FNIP1: variants seen among roughly 807,000 people sequenced by gnomAD.
FNIP1 encodes the protein folliculin-interacting protein 1.
In FNIP1, 40 loss-of-function variants were observed where a neutral mutation model predicts 124.5. That is an observed-to-expected ratio of 0.32 (90% CI 0.25 to 0.42). The LOEUF is 0.42. Ranked by LOEUF, FNIP1 falls within the 10% of genes least tolerant of loss-of-function variation. FNIP1 has a pLI of 1.00. For synonymous variants in FNIP1, 472 were observed against 470.6 expected, an observed-to-expected ratio of 1.00 and a Z score of -0.04; for missense variants, 1,176 against 1,403.7, an observed-to-expected ratio of 0.84 and a Z score of 2.59.
In FNIP1 at chr5:131,672,733, T is replaced by C. The variant is rs766917837; in HGVS notation, c.1711A>G (p.Thr571Ala). Reference protein sequence around the residue: ...AIVMPGTVITTTLEKGEIEES... With the variant: ...AIVMPGTVITATLEKGEIEES... ...TCTATTTCACCTTTCTCTAAAGTGG[T>C]AGTAATTACTGTGCCTGGCATAACG... Residue 571 changes from threonine to alanine, a missense_variant, in exon 14 of 18, where the codon ACC (threonine) becomes GCC (alanine). Thr to Ala is a moderately conservative substitution (Grantham distance 58). This residue lies in a region of FNIP1 where 1,109 missense variants were observed against 1,288.5 expected (regional missense o/e 0.86). Coordinates refer to ENST00000510461, the MANE Select transcript of FNIP1 (RefSeq NM_133372.3). 1.4e-5 allele frequency: 23 copies of C among 1,613,418 alleles called. No individual in the cohort carries two copies. The highest frequency in any genetic ancestry group is 1.8e-5 in the Non-Finnish European group (21 of 1,179,728).
chr5:131,708,255 T>G (rs1273112437), intron 8 of FNIP1, among the ~76,000 whole-genome samples: 1 of 152,190 alleles, frequency 6.6e-6, no homozygotes, highest in Non-Finnish European at 1.5e-5. Flanking sequence ...TACCTAGGGA[T>G]TGCAATATAC....
At chr5:131,762,667 A>G (rs957395385) in intron 1 of FNIP1, among the ~76,000 whole-genome samples, 1 of 152,186 alleles carries the variant, frequency 6.6e-6, no homozygotes, top group African/African-American at 2.4e-5. Context: ...TAGTATGACC[A>G]CTACGGAGAA....
chr5:131,719,179 A>G, intron 4 of FNIP1, 119 bp from the exon 5 acceptor site: 2 of 1,125,318 alleles, frequency 1.8e-6, no homozygotes, highest in Non-Finnish European at 2.6e-6. Context: ...AGAGCCATGA[A>G]GTAGCATTAA....
chr5:131,796,996 C>A lies in FNIP1; in HGVS notation c.-75G>T. 1 of 1,321,666 alleles carries A rather than the reference C, an allele frequency of 7.6e-7. No individual in the cohort carries two copies. The highest frequency in any genetic ancestry group is 1.3e-5 in the South Asian group (1 of 77,048). The allele number at this position is 1,321,666 out of a possible 1,614,324, so 81.9% of individuals were successfully genotyped here. A position where few individuals can be genotyped will look rare whatever the true frequency, so the allele number is the denominator to read the frequency against. On this transcript the variant is annotated 5_prime_UTR_variant, in exon 1 of 18. Coordinates refer to ENST00000510461, the MANE Select transcript of FNIP1 (RefSeq NM_133372.3). ...CTGCTCCTACAGCCGCCCCGCCACC[C>A]CCATGGGCGCCTCAGTCATATGACA... is the stretch of plus-strand genomic sequence containing the variant.
intron 3 of FNIP1, among the ~76,000 whole-genome samples, chr5:131,726,347 C>A (rs1289072619): frequency 6.6e-6 from 1 of 152,038 alleles, no homozygotes; most frequent in East Asian, 1.9e-4. Context: ...GGTTGGCAGG[C>A]CATTAATTAC....
chr5:131,658,383 C>T (rs1244728647), intron 15 of FNIP1, among the ~76,000 whole-genome samples: 1 of 152,010 alleles, frequency 6.6e-6, no homozygotes, highest in Admixed American at 6.6e-5. Flanking sequence ...TTAATTATTC[C>T]TGGGGTATGG....
At chr5:131,698,085 A>C (rs1768769172) in intron 11 of FNIP1, among the ~76,000 whole-genome samples, 1 of 152,078 alleles carries the variant, frequency 6.6e-6, no homozygotes, top group Non-Finnish European at 1.5e-5. Context: ...ATAACAATCT[A>C]TTAGATTATT....
rs532178289 is a variant in FNIP1 at position 131,691,936 on chromosome 5, T to A, written c.1202+6981A>T. 3.9e-5 allele frequency among the ~76,000 whole-genome samples: 6 copies of A among 152,290 alleles called. No individual in the cohort carries two copies. In the East Asian group the frequency reaches 1.2e-3, roughly 29 times the overall value. On this transcript the variant is annotated intron_variant, in intron 11 of 17. Coordinates refer to ENST00000510461, the MANE Select transcript of FNIP1 (RefSeq NM_133372.3). ...ATGGTGAGAGACTGGATGTTTTTTTTCCTATGACTGGGAGCAAGGTCAAGA... is the reference window on the plus strand; with the variant it reads ...ATGGTGAGAGACTGGATGTTTTTTTACCTATGACTGGGAGCAAGGTCAAGA...
At chr5:131,731,604 T>C (rs1770095176) in intron 2 of FNIP1, among the ~76,000 whole-genome samples, 1 of 150,978 alleles carries the variant, frequency 6.6e-6, no homozygotes, top group Admixed American at 6.6e-5. Flanking sequence ...ACTGCACCAC[T>C]GCACTCCAGC....
chr5:131,666,299 T>C (rs1767603230), intron 15 of FNIP1, among the ~76,000 whole-genome samples: 1 of 152,194 alleles, frequency 6.6e-6, no homozygotes, highest in South Asian at 2.1e-4. Context: ...TTGTCAAATT[T>C]TTCTATAATA....
intron 1 of FNIP1, among the ~76,000 whole-genome samples, chr5:131,767,198 C>T (rs1198066751): frequency 6.6e-6 from 1 of 151,896 alleles, no homozygotes; most frequent in African/African-American, 2.4e-5. Flanking sequence ...CTTTGGGAGG[C>T]CGAGGTGGGC....
chr5:131,716,217 T>C (rs533828921), intron 6 of FNIP1, among the ~76,000 whole-genome samples: 4 of 152,348 alleles, frequency 2.6e-5, no homozygotes, highest in South Asian at 4.1e-4. Context: ...GAAGGTGTAA[T>C]AGTCTTCCTC....
At chr5:131,698,460 G>T (rs545084096) in intron 11 of FNIP1, among the ~76,000 whole-genome samples, 1 of 152,156 alleles carries the variant, frequency 6.6e-6, no homozygotes, top group Non-Finnish European at 1.5e-5. Context: ...AAACCCTAGC[G>T]GAAGGACTAT....
Position 131,782,167 on chromosome 5 carries a change from T to G in FNIP1, c.92+14663A>C, listed in dbSNP as rs181147458. Among the ~76,000 whole-genome samples, 569 of 150,768 alleles carry G rather than the reference T, an allele frequency of 3.8e-3. 4 individuals are homozygous for G. Among genetic ancestry groups the G allele is most frequent in the African/African-American group, 0.013 (538 of 40,960 alleles). On this transcript the variant is annotated intron_variant, in intron 1 of 17. Coordinates refer to ENST00000510461, the MANE Select transcript of FNIP1 (RefSeq NM_133372.3). Reference sequence around the variant, plus strand: ...ACTCTGTCTCTTAAAAAAAGAAAAATAAAAAGAAGGAAAAGAAATACATTC... The same window carrying G: ...ACTCTGTCTCTTAAAAAAAGAAAAAGAAAAAGAAGGAAAAGAAATACATTC...
At chr5:131,673,042 CGTTTTTTT>C (rs1431633362) in intron 13 of FNIP1, 118 bp from the exon 14 acceptor site, 8 of 691,188 alleles carry the variant, frequency 1.2e-5, no homozygotes, top group African/African-American at 1.9e-5. Flanking sequence ...AGGTTTTACT[CGTTTTTTT>C]GTTTTTTTTT....
intron 8 of FNIP1, among the ~76,000 whole-genome samples, chr5:131,707,887 T>A (rs1285652647): frequency 6.6e-6 from 1 of 152,144 alleles, no homozygotes; most frequent in South Asian, 2.1e-4. Context: ...AAATAAATTA[T>A]ACTTAAATCT....
chr5:131,755,468 TGAG>T (rs888260342), intron 1 of FNIP1, among the ~76,000 whole-genome samples: 1 of 149,422 alleles, frequency 6.7e-6, no homozygotes, highest in Non-Finnish European at 1.5e-5. Context: ...AAAAATGGTC[TGAG>T]GAGAATGGCT....
At chr5:131,748,780 C>T (rs1229489013) in intron 1 of FNIP1, among the ~76,000 whole-genome samples, 1 of 150,750 alleles carries the variant, frequency 6.6e-6, no homozygotes, top group Non-Finnish European at 1.5e-5. Context: ...TTAAAGTGTA[C>T]CCCTACTTAT....
At chr5:131,793,921 CT>C (rs1385998500) in intron 1 of FNIP1, among the ~76,000 whole-genome samples, 1 of 152,100 alleles carries the variant, frequency 6.6e-6, no homozygotes, top group Non-Finnish European at 1.5e-5. Context: ...TGTTAGTCTA[CT>C]CAAAAACCTG....
Sources: gnomAD v4.1 joint callset for allele counts (sites outside exome capture counted in the v4.1 genomes callset) on GRCh38, gnomAD v4.1.1 for gene constraint, gnomAD v4.1.1 regional missense constraint, MANE v1.5 for transcripts, NCBI Gene and HGNC (gene_info 2026-07-23, HGNC 2026-07-21) for gene names.